PCDHGA5: variants seen among roughly 807,000 people sequenced by gnomAD.
The protein encoded by PCDHGA5 is protocadherin gamma subfamily A, 5.
PCDHGA5 carries 36 observed loss-of-function variants against 56.7 expected under a neutral mutation model. The observed-to-expected ratio is 0.64, with a 90% CI of 0.49 to 0.84. The LOEUF is 0.84. Among genes scored for constraint, PCDHGA5 ranks in the 40% least tolerant of loss-of-function variants. The probability of loss-of-function intolerance (pLI) is 0.00; values close to 1 mark genes in which losing one functional copy is unlikely to be tolerated. For missense variants in PCDHGA5, 1,305 were observed against 1,201.5 expected (o/e 1.09, Z -1.27); for synonymous variants, 563 against 520.2 (o/e 1.08, Z -1.12).
intron 1 of PCDHGA5, chr5:141,384,038 G>T: frequency 6.2e-7 from 1 of 1,613,110 alleles, no homozygotes; most frequent in South Asian, 1.1e-5. Flanking sequence ...GGAAAGAATG[G>T]TGAGGTGACC....
Position 141,476,024 on chromosome 5 carries a change from C to T in PCDHGA5, c.2422-18783C>T. ...ATCCAGAAAGCCATGTCGGACTCGG[C>T]GCCCAGCGCCCAAGCGCTAACCCGC... On this transcript the variant is annotated intron_variant, in intron 1 of 3. Coordinates refer to ENST00000518069, the MANE Select transcript of PCDHGA5 (RefSeq NM_018918.3). The surrounding 1 kb of genome is among the most constrained non-coding windows in gnomAD (Gnocchi z 7.6). The T allele has an allele frequency of 1.4e-6, 2 of 1,416,548 alleles. No individual in the cohort carries two copies. Among genetic ancestry groups the T allele is most frequent in the Non-Finnish European group, 9.5e-7 (1 of 1,058,066 alleles). 87.7% of individuals were successfully genotyped at this position (1,416,548 alleles called of 1,614,324 possible).
intron 1 of PCDHGA5, among the ~76,000 whole-genome samples, chr5:141,457,822 C>A (rs1477393535): frequency 6.6e-6 from 1 of 152,178 alleles, no homozygotes; most frequent in Non-Finnish European, 1.5e-5. Context: ...AAGATAAACT[C>A]AGAGCTTCCA....
At position 141,385,321 on chromosome 5, in the gene PCDHGA5, C is replaced by T. The variant is rs1267234548; in HGVS notation, c.2421+18570C>T. On this transcript the variant is annotated intron_variant, in intron 1 of 3. Transcript: ENST00000518069. ...ATGTAAAGAAAACCTGCCAAGTATT[C>T]AGGTGAGCCCAGCCCTTCCTTTATT... 3.7e-6 allele frequency: 6 copies of T among 1,606,764 alleles called. No homozygotes were observed. The South Asian group carries it at 6.7e-5, about 18-fold the overall frequency.
At chr5:141,418,935 A>T (rs1424307952) in intron 1 of PCDHGA5, 2 of 1,613,834 alleles carry the variant, frequency 1.2e-6, no homozygotes, top group Admixed American at 3.3e-5. Context: ...ATTATGGAGG[A>T]TTCCCCTCCA....
chr5:141,408,720 A>T, intron 1 of PCDHGA5: 1 of 1,611,332 alleles, frequency 6.2e-7, no homozygotes, highest in Non-Finnish European at 8.5e-7. Context: ...TATAAGATAA[A>T]CTCTAATCCT....
At chr5:141,507,786 GTCTAAGCC>G (rs1279265471) in intron 3 of PCDHGA5, among the ~76,000 whole-genome samples, 1 of 152,174 alleles carries the variant, frequency 6.6e-6, no homozygotes, top group Admixed American at 6.5e-5. Flanking sequence ...CCTGACCCTC[GTCTAAGCC>G]TGCGCCCTGG....
At chr5:141,420,230 A>G (rs758649822) in intron 1 of PCDHGA5, 3 of 1,601,528 alleles carry the variant, frequency 1.9e-6, no homozygotes, top group Admixed American at 1.7e-5. Flanking sequence ...ACTGGCTAGC[A>G]TTTTAACTCC....
rs775416808 is a variant in PCDHGA5, at chr5:141,429,727, G to A, written c.2421+62976G>A. ...TAAATATTTACGCTCATGAAAGTAC[G>A]TAGCCAGTTATTTCTTAGGGAGAAT... On this transcript the variant is annotated intron_variant, in intron 1 of 3. Transcript: ENST00000518069. 7.2e-5 allele frequency among the ~76,000 whole-genome samples: 11 copies of A among 152,158 alleles called. 1 individual carries two copies. The highest frequency in any genetic ancestry group is 1.9e-4 in the East Asian group (1 of 5,188).
At chr5:141,398,657 G>C in intron 1 of PCDHGA5, 1 of 1,614,018 alleles carries the variant, frequency 6.2e-7, no homozygotes, top group African/African-American at 1.3e-5. Flanking sequence ...CTTAACCCAA[G>C]TTTCTCATTA....
In PCDHGA5 at chr5:141,476,762, G is replaced by A. The variant is rs1338892879; in HGVS notation, c.2422-18045G>A. The A allele has an allele frequency of 6.2e-7, 1 of 1,613,848 alleles. No individual in the cohort carries two copies. ...GCCTAGTCTCCAGTTAGTGCTGACG[G>A]CGTTGGACGGAGGGACCCCAGCTCT... On this transcript the variant is annotated intron_variant, in intron 1 of 3. Coordinates refer to ENST00000518069, the MANE Select transcript of PCDHGA5 (RefSeq NM_018918.3). The surrounding 1 kb of genome is among the most constrained non-coding windows in gnomAD (Gnocchi z 7.6).
Position 141,485,931 on chromosome 5 carries a change from A to C in PCDHGA5, c.2422-8876A>C, listed in dbSNP as rs761979804. 3 of 1,614,192 alleles carry C rather than the reference A, an allele frequency of 1.9e-6. No individual in the cohort carries two copies. In the South Asian group the frequency reaches 3.3e-5, roughly 18 times the overall value. On this transcript the variant is annotated intron_variant, in intron 1 of 3. Transcript: ENST00000518069. This position sits in a 1 kb window ranked among gnomAD's most constrained non-coding sequence, Gnocchi z 5.7. Reference sequence around the variant, plus strand: ...TCCAGCTACAGGATTAGTGTGTTGGAGAGCGCACCAGCGGGCATGGTGCTC... The same window carrying C: ...TCCAGCTACAGGATTAGTGTGTTGGCGAGCGCACCAGCGGGCATGGTGCTC...
chr5:141,408,263 C>G, intron 1 of PCDHGA5: 1 of 1,606,854 alleles, frequency 6.2e-7, no homozygotes. Flanking sequence ...ATTTCCTTTG[C>G]TGCTGCCTTT....
chr5:141,495,817 T>G (rs2099764054), intron 2 of PCDHGA5, among the ~76,000 whole-genome samples: 1 of 152,110 alleles, frequency 6.6e-6, no homozygotes, highest in African/African-American at 2.4e-5. Context: ...TAGCGCCTTG[T>G]GTTCTTCTAT....
At chr5:141,473,809 A>C (rs1230574978) in intron 1 of PCDHGA5, among the ~76,000 whole-genome samples, 2 of 152,242 alleles carry the variant, frequency 1.3e-5, no homozygotes, top group East Asian at 3.8e-4. Flanking sequence ...ACTGAGGAGC[A>C]GCTGGACAAT....
chr5:141,394,336 A>C lies in PCDHGA5; in HGVS notation c.2421+27585A>C, dbSNP rs1205005872. On this transcript the variant is annotated intron_variant, in intron 1 of 3. Coordinates refer to ENST00000518069, the MANE Select transcript of PCDHGA5 (RefSeq NM_018918.3). ...CCCCTGTCCTCGTATATCTCCATCA[A>C]CTCTGACACCGGTGTCCTGTATGCG... 6.2e-7 allele frequency: 1 copy of C among 1,613,822 alleles called. No homozygotes were observed. The highest frequency in any genetic ancestry group is 1.1e-5 in the South Asian group (1 of 91,058).
Position 141,375,778 on chromosome 5 carries a change from C to G in PCDHGA5, c.2421+9027C>G. Reference sequence around the variant, plus strand: ...ACAATGCGCCCGAGATCCTGTACCCCGCCCTCCCCACAGACGGTTCCACTG... The same window carrying G: ...ACAATGCGCCCGAGATCCTGTACCCGGCCCTCCCCACAGACGGTTCCACTG... On this transcript the variant is annotated intron_variant, in intron 1 of 3. Coordinates refer to ENST00000518069, the MANE Select transcript of PCDHGA5 (RefSeq NM_018918.3). The G allele has an allele frequency of 1.9e-6, 3 of 1,614,242 alleles. No homozygotes were observed. The African/African-American group carries it at 4.0e-5, about 22-fold the overall frequency.
intron 1 of PCDHGA5, chr5:141,376,072 C>T (rs755171325): frequency 6.8e-6 from 11 of 1,613,380 alleles, no homozygotes; most frequent in South Asian, 6.6e-5. Context: ...TCACCGTGGC[C>T]GTGGCCGACA....
rs558513172 is a variant in PCDHGA5 at position 141,424,015 on chromosome 5, A to T, written c.2421+57264A>T. The T allele has an allele frequency of 3.0e-5, 32 of 1,060,896 alleles. No individual in the cohort carries two copies. The Admixed American group carries it at 3.2e-4, about 11-fold the overall frequency. The allele number at this position is 1,060,896 out of a possible 1,614,324, so 65.7% of individuals were successfully genotyped here. A position where few individuals can be genotyped will look rare whatever the true frequency, so the allele number is the denominator to read the frequency against. ...TATTATATATAGATACAAATTAATGATTCACAAACACTTTTTATTTCCATT... is the reference window on the plus strand; with the variant it reads ...TATTATATATAGATACAAATTAATGTTTCACAAACACTTTTTATTTCCATT... On this transcript the variant is annotated intron_variant, in intron 1 of 3. Transcript: ENST00000518069.
chr5:141,381,026 C>A (rs1409313580), intron 1 of PCDHGA5, among the ~76,000 whole-genome samples: 1 of 152,144 alleles, frequency 6.6e-6, no homozygotes, highest in Non-Finnish European at 1.5e-5. Flanking sequence ...CTATTAGTTC[C>A]TTTAAACAAA....
Sources: allele counts gnomAD v4.1 joint callset (sites outside exome capture counted in the v4.1 genomes callset), GRCh38; gene constraint gnomAD v4.1.1; non-coding constraint Gnocchi (gnomAD v3.1); transcripts MANE v1.5; gene names NCBI Gene and HGNC (gene_info 2026-07-23, HGNC 2026-07-21).